PCYT1B: variants seen among roughly 807,000 people sequenced by gnomAD.
The protein encoded by PCYT1B is phosphate cytidylyltransferase 1B, choline, also known as choline-phosphate cytidylyltransferase B.
PCYT1B carries 10 observed loss-of-function variants against 26.4 expected under a neutral mutation model. That is an observed-to-expected ratio of 0.38 (90% CI 0.23 to 0.64). PCYT1B has a LOEUF of 0.64. Ranked by LOEUF, PCYT1B falls within the 30% of genes least tolerant of loss-of-function variation. The pLI is 0.56. For synonymous variants in PCYT1B, 131 were observed against 108.4 expected, an observed-to-expected ratio of 1.21 and a Z score of -1.29; for missense variants, 161 against 292.7, an observed-to-expected ratio of 0.55 and a Z score of 3.28.
intron 6 of PCYT1B, among the ~76,000 whole-genome samples, chrX:24,578,955 G>T (rs1474726465): frequency 9.0e-6 from 1 of 111,160 alleles, no homozygotes; most frequent in Non-Finnish European, 1.9e-5. Flanking sequence ...ATACATCATG[G>T]GTTATTGTGT....
chrX:24,621,630 C>T (rs964460428), intron 1 of PCYT1B, among the ~76,000 whole-genome samples: 1 of 111,457 alleles, frequency 9.0e-6, no homozygotes, highest in African/African-American at 3.3e-5. Flanking sequence ...GTATGAACCA[C>T]CACACCTGGC....
chrX:24,598,884 G>A (rs1924872647), intron 3 of PCYT1B, among the ~76,000 whole-genome samples: 1 of 111,966 alleles, frequency 8.9e-6, no homozygotes, highest in Admixed American at 9.5e-5. Context: ...CAATTTGGTT[G>A]GATGGTGTTT....
At chrX:24,640,643 T>C in intron 1 of PCYT1B, among the ~76,000 whole-genome samples, 1 of 111,562 alleles carries the variant, frequency 9.0e-6, no homozygotes, top group South Asian at 3.8e-4. Context: ...GCACTCTTCC[T>C]AGGTAACCAT....
intron 7 of PCYT1B, among the ~76,000 whole-genome samples, chrX:24,571,413 AG>A (rs1390529911): frequency 2.7e-5 from 3 of 111,521 alleles, no homozygotes; most frequent in African/African-American, 9.8e-5. Flanking sequence ...TAAAATGGGT[AG>A]AATAAATGTG....
chrX:24,596,075 G>T (rs183681015), intron 3 of PCYT1B, among the ~76,000 whole-genome samples: 1 of 111,934 alleles, frequency 8.9e-6, no homozygotes, highest in African/African-American at 3.2e-5. Context: ...AGCAGAGGTG[G>T]CTATTTGGTG....
intron 3 of PCYT1B, among the ~76,000 whole-genome samples, chrX:24,607,458 A>G (rs1297159727): frequency 8.9e-6 from 1 of 112,480 alleles, no homozygotes; most frequent in East Asian, 2.8e-4. Context: ...TCAAGCCTTA[A>G]ACACTAATAG....
chrX:24,578,031 A>G lies in PCYT1B; in HGVS notation c.708+1285T>C, dbSNP rs145229866. Among the ~76,000 whole-genome samples, 55 of 111,651 alleles carry G rather than the reference A, an allele frequency of 4.9e-4. 1 individual carries two copies. The East Asian group carries it at 0.014, about 28-fold the overall frequency. On this transcript the variant is annotated intron_variant, in intron 6 of 7. Coordinates refer to ENST00000379144, the MANE Select transcript of PCYT1B (RefSeq NM_004845.5). ...TGTTCTTTGTCTACTATAAAGACAC[A>G]TGCACATGTATGTTTGTTGCAGCAC...
rs779316769 is a variant in PCYT1B at position 24,637,509 on chromosome X, T to TATATATATATATAA, written c.117+9479_117+9480insTTATATATATATAT. On this transcript the variant is annotated intron_variant, in intron 1 of 7. Transcript: ENST00000379144. ...AAAAAAAAATATATATATATATATA[T>TATATATATATATAA]ATAAATTAGCTGAGCGTGGTGGCGT... Among the ~76,000 whole-genome samples the TATATATATATATAA allele has an allele frequency of 1.0e-3, 64 of 64,064 alleles. 9 individuals are homozygous for TATATATATATATAA. In the East Asian group the frequency reaches 0.018, roughly 18 times the overall value. 55.6% of individuals were successfully genotyped at this position (64,064 alleles called of 115,157 possible). A position where few individuals can be genotyped will look rare whatever the true frequency, so the allele number is the denominator to read the frequency against.
At chrX:24,579,174 C>T in intron 6 of PCYT1B, 142 bp downstream of exon 6, 1 of 484,429 alleles carries the variant, frequency 2.1e-6, no homozygotes. Flanking sequence ...ACAGTGAGAC[C>T]CCATCTCTAC....
At chrX:24,570,619 C>T (rs890675954) in intron 7 of PCYT1B, among the ~76,000 whole-genome samples, 1 of 111,130 alleles carries the variant, frequency 9.0e-6, no homozygotes, top group East Asian at 2.8e-4. Context: ...TGGGCTGCTT[C>T]CTGGTTCCTG....
chrX:24,650,316 GCTT>G (rs1926736928), upstream of PCYT1B, among the ~76,000 whole-genome samples: 1 of 88,422 alleles, frequency 1.1e-5, no homozygotes. Context: ...TTATTATGTA[GCTT>G]TTTTTTTTTT....
chrX:24,610,318 A>T (rs562088616), intron 2 of PCYT1B, among the ~76,000 whole-genome samples: 87 of 111,870 alleles, frequency 7.8e-4, no homozygotes, highest in Middle Eastern at 9.2e-3. Flanking sequence ...TAATAAAAAA[A>T]GTTGAGAGAC....
intron 2 of PCYT1B, among the ~76,000 whole-genome samples, chrX:24,615,501 G>A (rs769986806): frequency 9.5e-6 from 1 of 104,765 alleles, no homozygotes; most frequent in African/African-American, 3.5e-5. Flanking sequence ...TTTCATTCTT[G>A]TCGCCCAGGC....
At chrX:24,660,329 G>T (rs893220602) in intron 1 of PCYT1B, among the ~76,000 whole-genome samples, 1 of 112,044 alleles carries the variant, frequency 8.9e-6, no homozygotes, top group Non-Finnish European at 1.9e-5. Flanking sequence ...ATCTCCAAAA[G>T]CAATCATTTT....
upstream of PCYT1B, among the ~76,000 whole-genome samples, chrX:24,650,317 C>CTT (rs575150338): frequency 2.6e-4 from 20 of 75,712 alleles, no homozygotes; most frequent in Non-Finnish European, 3.7e-4. Flanking sequence ...TATTATGTAG[C>CTT]TTTTTTTTTT....
At chrX:24,660,678 CA>C (rs35663098) in intron 1 of PCYT1B, among the ~76,000 whole-genome samples, 1,492 of 63,873 alleles carry the variant, frequency 0.023, 17 homozygotes, top group African/African-American at 0.054. Flanking sequence ...AACTCTATCT[CA>C]AAAAAAAAAA....
intron 1 of PCYT1B, among the ~76,000 whole-genome samples, chrX:24,665,582 C>T (rs997745971): frequency 1.8e-5 from 2 of 111,359 alleles, no homozygotes; most frequent in East Asian, 2.8e-4. Flanking sequence ...TGAGCCACCG[C>T]GCCTGGCCCC....
intron 5 of PCYT1B, among the ~76,000 whole-genome samples, chrX:24,580,852 C>T (rs186279066): frequency 9.0e-6 from 1 of 111,295 alleles, no homozygotes; most frequent in Non-Finnish European, 1.9e-5. Context: ...TAGACGTGGG[C>T]AAGTCACTCA....
At chrX:24,641,762 C>A (rs1602202995) in intron 1 of PCYT1B, among the ~76,000 whole-genome samples, 2 of 112,036 alleles carry the variant, frequency 1.8e-5, no homozygotes, top group African/African-American at 6.5e-5. Context: ...AAATTAATTT[C>A]ACCTTTTTTA....
Sources: allele counts gnomAD v4.1 joint callset (sites outside exome capture counted in the v4.1 genomes callset), GRCh38; gene constraint gnomAD v4.1.1; transcripts MANE v1.5; gene names NCBI Gene and HGNC (gene_info 2026-07-23, HGNC 2026-07-21).